DIS3L2: variants seen among roughly 807,000 people sequenced by gnomAD.
DIS3L2 encodes the protein DIS3-like exonuclease 2.
A neutral mutation model predicts 97.5 loss-of-function variants in DIS3L2; 34 were observed. The ratio of observed to expected loss-of-function variants is 0.35; its 90% CI spans 0.27 to 0.46. The LOEUF (loss-of-function observed/expected upper bound fraction) is 0.46, where lower values mean the gene tolerates loss of function less well. Ranked by LOEUF, DIS3L2 falls within the 20% of genes least tolerant of loss-of-function variation. DIS3L2 has a pLI of 1.00. For synonymous variants in DIS3L2, 435 were observed against 445.2 expected, an observed-to-expected ratio of 0.98 and a Z score of 0.29; for missense variants, 1,038 against 1,146.0, an observed-to-expected ratio of 0.91 and a Z score of 1.36.
At chr2:232,335,679 T>C (rs1289690507) in intron 19 of DIS3L2, 94 bp from the exon 20 acceptor site, 76 of 1,412,310 alleles carry the variant, frequency 5.4e-5, no homozygotes, top group Non-Finnish European at 2.9e-5. Flanking sequence ...GGCCGAGGGC[T>C]GAGGGCCGCC....
At chr2:232,053,465 T>G (rs1695463011) in intron 5 of DIS3L2, among the ~76,000 whole-genome samples, 1 of 152,140 alleles carries the variant, frequency 6.6e-6, no homozygotes, top group Non-Finnish European at 1.5e-5. Flanking sequence ...ACATTTTAAC[T>G]CAATCCTGAC....
At chr2:232,314,855 G>A (rs931345172) in intron 14 of DIS3L2, among the ~76,000 whole-genome samples, 6 of 152,124 alleles carry the variant, frequency 3.9e-5, no homozygotes, top group Non-Finnish European at 7.4e-5. Flanking sequence ...ATGAAGATGT[G>A]TTCTTACCAG....
intron 5 of DIS3L2, among the ~76,000 whole-genome samples, chr2:232,047,731 C>T (rs771310810): frequency 6.6e-6 from 1 of 152,216 alleles, no homozygotes; most frequent in Non-Finnish European, 1.5e-5. Context: ...CTCTGTTCCC[C>T]TTCTTCCCAG....
intron 6 of DIS3L2, among the ~76,000 whole-genome samples, chr2:232,106,863 A>G (rs1211423235): frequency 6.6e-6 from 1 of 152,134 alleles, no homozygotes; most frequent in Non-Finnish European, 1.5e-5. Flanking sequence ...GAAGTAAAAC[A>G]CTCCTCAGCA....
At chr2:232,332,379 C>T (rs577114521) in intron 16 of DIS3L2, among the ~76,000 whole-genome samples, 6 of 152,274 alleles carry the variant, frequency 3.9e-5, no homozygotes, top group African/African-American at 1.2e-4. Context: ...CACAGAGTAA[C>T]GGGAGCCGGC....
chr2:232,211,979 C>G (rs1574948728), intron 10 of DIS3L2, among the ~76,000 whole-genome samples: 1 of 152,108 alleles, frequency 6.6e-6, no homozygotes, highest in African/African-American at 2.4e-5. Context: ...CCTCCCAAAG[C>G]ACGAGCCACT....
intron 8 of DIS3L2, among the ~76,000 whole-genome samples, chr2:232,148,424 T>C (rs1028193133): frequency 5.3e-5 from 8 of 152,142 alleles, no homozygotes; most frequent in Non-Finnish European, 1.0e-4. Flanking sequence ...TAGATTTTTA[T>C]CTGCCATAAG....
chr2:232,042,885 A>G (rs1002185902), intron 5 of DIS3L2, among the ~76,000 whole-genome samples: 2 of 152,356 alleles, frequency 1.3e-5, no homozygotes, highest in South Asian at 2.1e-4. Context: ...TAGGGCAGTG[A>G]TGGCACATTC....
intron 6 of DIS3L2, among the ~76,000 whole-genome samples, chr2:232,106,820 A>G (rs919983743): frequency 6.6e-6 from 1 of 152,260 alleles, no homozygotes; most frequent in Non-Finnish European, 1.5e-5. Flanking sequence ...TTATTGCCAC[A>G]TGGCACTTAT....
In DIS3L2 at chr2:232,276,302, C is replaced by T. The variant is rs571459637; in HGVS notation, c.1659+12862C>T. Among the ~76,000 whole-genome samples, 4 of 152,294 alleles carry T rather than the reference C, an allele frequency of 2.6e-5. No homozygotes were observed. Among genetic ancestry groups the T allele is most frequent in the East Asian group, 1.9e-4 (1 of 5,178 alleles). ...TGATTTGCTACTGTCAGTTTCGACC[C>T]GTAAATAACAGGGCGCTCTCCCCTT... is the stretch of plus-strand genomic sequence containing the variant. On this transcript the variant is annotated intron_variant, in intron 13 of 20. Transcript: ENST00000325385. This position sits in a 1 kb window ranked among gnomAD's most constrained non-coding sequence, Gnocchi z 4.4.
In DIS3L2 at chr2:232,251,821, C is replaced by T. The variant is rs527834662; in HGVS notation, c.1425+2475C>T. Among the ~76,000 whole-genome samples, 16 of 152,212 alleles carry T rather than the reference C, an allele frequency of 1.1e-4. No homozygotes were observed. In the South Asian group the frequency reaches 1.5e-3, roughly 14 times the overall value. ...CTCCATGCCAAAATTCTGTACCCAA[C>T]GAAGCTATCAATAAAAAGGGTAGGA... On this transcript the variant is annotated intron_variant, in intron 12 of 20. Coordinates refer to ENST00000325385, the MANE Select transcript of DIS3L2 (RefSeq NM_152383.5).
chr2:232,320,683 T>G (rs1332999677), intron 14 of DIS3L2, among the ~76,000 whole-genome samples: 1 of 152,212 alleles, frequency 6.6e-6, no homozygotes, highest in Non-Finnish European at 1.5e-5. Context: ...CTTCCACCCC[T>G]GAAAATAAGT....
At chr2:232,047,128 T>A (rs1695264196) in intron 5 of DIS3L2, among the ~76,000 whole-genome samples, 1 of 152,180 alleles carries the variant, frequency 6.6e-6, no homozygotes, top group African/African-American at 2.4e-5. Context: ...TTTTGAAGTC[T>A]TTTTGACAAG....
intron 6 of DIS3L2, among the ~76,000 whole-genome samples, chr2:232,109,751 AC>A (rs1284468381): frequency 6.6e-6 from 1 of 152,192 alleles, no homozygotes; most frequent in Non-Finnish European, 1.5e-5. Flanking sequence ...AAAACCCTAA[AC>A]TATAAAAGAC....
intron 5 of DIS3L2, among the ~76,000 whole-genome samples, chr2:232,082,840 T>C (rs945423437): frequency 3.3e-5 from 5 of 152,196 alleles, no homozygotes; most frequent in South Asian, 4.1e-4. Flanking sequence ...ATTTTCATAA[T>C]GTTGATAAAG....
At chr2:232,049,395 T>C (rs1280744686) in intron 5 of DIS3L2, among the ~76,000 whole-genome samples, 1 of 152,012 alleles carries the variant, frequency 6.6e-6, no homozygotes, top group African/African-American at 2.4e-5. Context: ...TGCACCAGCG[T>C]TGGGAGATGT....
chr2:232,285,410 G>T (rs1431442876), intron 13 of DIS3L2, among the ~76,000 whole-genome samples: 2 of 152,208 alleles, frequency 1.3e-5, no homozygotes, highest in Non-Finnish European at 2.9e-5. Context: ...CCTGCAACTG[G>T]GTGGGTCAGT....
intron 5 of DIS3L2, among the ~76,000 whole-genome samples, chr2:232,067,644 A>T (rs1173426191): frequency 6.6e-6 from 1 of 152,182 alleles, no homozygotes; most frequent in Non-Finnish European, 1.5e-5. Context: ...CTTAGGTTAC[A>T]GCTGCTTGCA....
chr2:232,182,805 AATTAAATACT>A (rs1691329565), intron 9 of DIS3L2, among the ~76,000 whole-genome samples: 1 of 152,190 alleles, frequency 6.6e-6, no homozygotes, highest in Non-Finnish European at 1.5e-5. Context: ...ACACACATAC[AATTAAATACT>A]ATTAAATAGT....
Sources: gnomAD v4.1 joint callset for allele counts (sites outside exome capture counted in the v4.1 genomes callset) on GRCh38, gnomAD v4.1.1 for gene constraint, Gnocchi (gnomAD v3.1) non-coding constraint, MANE v1.5 for transcripts, NCBI Gene and HGNC (gene_info 2026-07-23, HGNC 2026-07-21) for gene names.